The following TP53BP2 variants were observed in gnomAD, a reference collection of about 807,000 sequenced individuals.
The protein encoded by TP53BP2 is apoptosis-stimulating of p53 protein 2.
Under a neutral mutation model 126.2 loss-of-function variants are expected in TP53BP2, and 62 were observed. That is an observed-to-expected ratio of 0.49 (90% CI 0.40 to 0.61). The LOEUF (loss-of-function observed/expected upper bound fraction) is 0.61, where lower values mean the gene tolerates loss of function less well. Ranked by LOEUF, TP53BP2 falls within the 20% of genes least tolerant of loss-of-function variation. The pLI is 0.00. For synonymous variants in TP53BP2, 485 were observed against 502.9 expected, an observed-to-expected ratio of 0.96 and a Z score of 0.48; for missense variants, 1,215 against 1,402.8, an observed-to-expected ratio of 0.87 and a Z score of 2.14.
intron 6 of TP53BP2, among the ~76,000 whole-genome samples, 183 bp downstream of exon 6, chr1:223,803,991 A>C (rs1484116769): frequency 6.6e-6 from 1 of 152,222 alleles, no homozygotes; most frequent in Non-Finnish European, 1.5e-5. Context: ...TACCCTTTAA[A>C]GTTATCTACA....
At position 223,802,340 on chromosome 1, in the gene TP53BP2, G is replaced by A; in HGVS notation, c.1001C>T (p.Ser334Leu). Residue 334 changes from serine (S) to leucine (L), a missense_variant, in exon 9 of 18, where the codon TCA becomes TTA. Around this residue, in one of 4 missense-constraint regions of TP53BP2, gnomAD observed 814 missense variants for 853.0 expected, o/e 0.95. Coordinates refer to ENST00000343537, the MANE Select transcript of TP53BP2 (RefSeq NM_001031685.3). ...TTGCTGGGGAAGATTTCCATCAGAT[G>A]AAACCTTAGGAAAGAAGCACAGGTC... ...ALQQKENLPV[S>L]SDGNLPQQAA... 1 of 1,613,686 alleles carries A rather than the reference G, an allele frequency of 6.2e-7. No homozygotes were observed. The highest frequency in any genetic ancestry group is 8.5e-7 in the Non-Finnish European group (1 of 1,179,880).
intron 3 of TP53BP2, among the ~76,000 whole-genome samples, chr1:223,813,448 A>T (rs1350584877): frequency 6.6e-6 from 1 of 151,784 alleles, no homozygotes; most frequent in Non-Finnish European, 1.5e-5. Context: ...TCTAACTGAG[A>T]CTCACAGCCT....
intron 1 of TP53BP2, chr1:223,825,827 G>GGT (rs1407694048): frequency 1.3e-5 from 2 of 152,224 alleles, no homozygotes; most frequent in East Asian, 3.9e-4. Flanking sequence ...ACCACAACCT[G>GGT]GCTCCTTCCC....
chr1:223,787,177 T>C (rs748262368), intron 16 of TP53BP2, among the ~76,000 whole-genome samples: 51 of 152,180 alleles, frequency 3.4e-4, no homozygotes, highest in Admixed American at 2.6e-4. Context: ...ATTACAGGCA[T>C]GAGCCACCAC....
chr1:223,791,878 C>T (rs981414766), intron 15 of TP53BP2, among the ~76,000 whole-genome samples: 2 of 152,202 alleles, frequency 1.3e-5, no homozygotes, highest in African/African-American at 2.4e-5. Flanking sequence ...TATTGACTAA[C>T]ATTTCCCCTA....
At chr1:223,812,648 C>T (rs191080211) in intron 3 of TP53BP2, among the ~76,000 whole-genome samples, 1 of 152,296 alleles carries the variant, frequency 6.6e-6, no homozygotes, top group African/African-American at 2.4e-5. Flanking sequence ...CAACCGCCAA[C>T]TCCCTGATTC....
chr1:223,781,108 G>A (rs574605325), intron 17 of TP53BP2, among the ~76,000 whole-genome samples: 5 of 152,310 alleles, frequency 3.3e-5, no homozygotes, highest in East Asian at 1.9e-4. Flanking sequence ...ACAAGGGCCC[G>A]TCAACTGTGA....
chr1:223,786,609 T>TGTGTGTG (rs566134746), intron 16 of TP53BP2, among the ~76,000 whole-genome samples: 2 of 148,990 alleles, frequency 1.3e-5, no homozygotes, highest in East Asian at 2.0e-4. Flanking sequence ...TGTGTGTGTA[T>TGTGTGTG]ATTTTTTTTT....
At chr1:223,824,505 C>T (rs962756666) in intron 1 of TP53BP2, among the ~76,000 whole-genome samples, 1 of 152,118 alleles carries the variant, frequency 6.6e-6, no homozygotes. Context: ...GTTCAAACTC[C>T]AGATTTCTTC....
In TP53BP2 at chr1:223,796,331, C is replaced by T. The variant is rs777499489; in HGVS notation, c.2208G>A (p.Arg736=). The change falls in exon 13 of 18, where the codon AGG becomes AGA. Residue 736 remains arginine, a synonymous_variant. Transcript: ENST00000343537. The surrounding 1 kb of genome is among the most constrained non-coding windows in gnomAD (Gnocchi z 4.2). ...ALRKKLSNAP[R]PLKKRSSITE... is the part of the protein sequence containing the mutation. Reference sequence around the variant, plus strand: ...TAATAGAACTACGTTTCTTTAGAGGCCTTGGTGCGTTAGACAGTTTCTTTC... The same window carrying T: ...TAATAGAACTACGTTTCTTTAGAGGTCTTGGTGCGTTAGACAGTTTCTTTC... 1.9e-6 allele frequency: 3 copies of T among 1,614,148 alleles called. No homozygotes were observed. Among genetic ancestry groups the T allele is most frequent in the Non-Finnish European group, 2.5e-6 (3 of 1,180,018 alleles).
At position 223,780,720 on chromosome 1, in the gene TP53BP2, A is replaced by G. The variant is rs1661740644; in HGVS notation, c.*133T>C. 2.9e-5 allele frequency: 24 copies of G among 817,132 alleles called. No homozygotes were observed. The East Asian group carries it at 5.5e-4, about 19-fold the overall frequency. 50.6% of individuals were successfully genotyped at this position (817,132 alleles called of 1,614,324 possible). On this transcript the variant is annotated 3_prime_UTR_variant, in exon 18 of 18. Coordinates refer to ENST00000343537, the MANE Select transcript of TP53BP2 (RefSeq NM_001031685.3). ...ATTCTTCAATCCTTCATTCTCTTCT[A>G]GAGACATTCTTCATCGCTTTCAAGC... is the stretch of plus-strand genomic sequence containing the variant.
At chr1:223,789,712 A>G (rs1028422616) in intron 15 of TP53BP2, among the ~76,000 whole-genome samples, 2 of 152,184 alleles carry the variant, frequency 1.3e-5, no homozygotes, top group Non-Finnish European at 2.9e-5. Context: ...TGTCAAATCA[A>G]TTGAGACCAG....
intron 9 of TP53BP2, among the ~76,000 whole-genome samples, chr1:223,801,237 G>T (rs911718800): frequency 6.6e-6 from 1 of 152,128 alleles, no homozygotes; most frequent in African/African-American, 2.4e-5. Context: ...GTATATTCAG[G>T]TTTTTTTCTA....
At chr1:223,825,238 CAAGTACACACTAAGTATTAAATCCTGCA>C (rs1663454060) in intron 1 of TP53BP2, among the ~76,000 whole-genome samples, 1 of 152,160 alleles carries the variant, frequency 6.6e-6, no homozygotes, top group South Asian at 2.1e-4. Flanking sequence ...TGGTGTGTAA[CAAGTACACACTAAGTATTAAATCCTGCA>C]AATGTGATTG....
intron 1 of TP53BP2, among the ~76,000 whole-genome samples, chr1:223,831,810 C>T (rs1261491758): frequency 1.3e-5 from 2 of 149,026 alleles, no homozygotes; most frequent in Admixed American, 1.3e-4. Flanking sequence ...CACCTACAGG[C>T]ACACTGCATA....
At chr1:223,804,612 T>TG (rs1236059735) in intron 5 of TP53BP2, among the ~76,000 whole-genome samples, 6 of 152,226 alleles carry the variant, frequency 3.9e-5, no homozygotes, top group African/African-American at 1.4e-4. Flanking sequence ...GCAGCAAGGA[T>TG]GCAGCAATTC....
At chr1:223,836,436 G>GA (rs1341705607) in intron 1 of TP53BP2, among the ~76,000 whole-genome samples, 1 of 152,174 alleles carries the variant, frequency 6.6e-6, no homozygotes, top group Non-Finnish European at 1.5e-5. Flanking sequence ...GGTGTTTTGA[G>GA]TTTTTCAATC....
intron 16 of TP53BP2, among the ~76,000 whole-genome samples, chr1:223,788,623 T>C (rs1662051049): frequency 1.3e-5 from 2 of 152,196 alleles, no homozygotes; most frequent in Admixed American, 6.5e-5. Flanking sequence ...ACTTGGACCA[T>C]TTGGGTTCTT....
intron 1 of TP53BP2, among the ~76,000 whole-genome samples, chr1:223,827,090 C>G (rs960287056): frequency 3.9e-5 from 6 of 152,106 alleles, no homozygotes; most frequent in Non-Finnish European, 8.8e-5. Context: ...ACCTATGGAA[C>G]ATTCAAACGG....
Sources: allele counts gnomAD v4.1 joint callset (sites outside exome capture counted in the v4.1 genomes callset), GRCh38; gene constraint gnomAD v4.1.1; regional missense constraint gnomAD v4.1.1; non-coding constraint Gnocchi (gnomAD v3.1); transcripts MANE v1.5; gene names NCBI Gene and HGNC (gene_info 2026-07-23, HGNC 2026-07-21).